The following HERC4 variants were observed in gnomAD, a reference collection of about 807,000 sequenced individuals.
The protein encoded by HERC4 is HECT and RLD domain containing E3 ubiquitin protein ligase 4, also known as probable E3 ubiquitin-protein ligase HERC4.
In HERC4, 28 loss-of-function variants were observed where a neutral mutation model predicts 124.3. That is an observed-to-expected ratio of 0.23 (90% CI 0.17 to 0.31). HERC4 has a LOEUF of 0.31. HERC4 is among the 10% of genes least tolerant of loss of function. The probability of loss-of-function intolerance (pLI) is 1.00; values close to 1 mark genes in which losing one functional copy is unlikely to be tolerated. For synonymous variants in HERC4, 407 were observed against 421.5 expected (o/e 0.97, Z 0.42); for missense variants, 713 against 1,229.3 (o/e 0.58, Z 6.28).
At chr10:67,975,183 C>CT (rs1301586143) in intron 15 of HERC4, among the ~76,000 whole-genome samples, 1 of 151,296 alleles carries the variant, frequency 6.6e-6, no homozygotes, top group Non-Finnish European at 1.5e-5. Flanking sequence ...GAGCCAAACT[C>CT]TGTCTTTAAA....
At chr10:68,017,748 C>G (rs1220358366) in intron 8 of HERC4, among the ~76,000 whole-genome samples, 2 of 152,154 alleles carry the variant, frequency 1.3e-5, no homozygotes, top group Non-Finnish European at 2.9e-5. Flanking sequence ...CTCGGCCTCC[C>G]AAAGTGCTGG....
At chr10:68,013,872 C>T (rs1277172818) in intron 9 of HERC4, among the ~76,000 whole-genome samples, 154 bp downstream of exon 9, 1 of 152,124 alleles carries the variant, frequency 6.6e-6, no homozygotes, top group Non-Finnish European at 1.5e-5. Context: ...TAAATATAAG[C>T]AAATCAAACA....
At chr10:67,984,299 C>T (rs2036127005) in intron 15 of HERC4, among the ~76,000 whole-genome samples, 2 of 134,484 alleles carry the variant, frequency 1.5e-5, no homozygotes, top group African/African-American at 6.2e-5. Context: ...GAGACTCCAT[C>T]TCAAAAAAAA....
intron 16 of HERC4, among the ~76,000 whole-genome samples, chr10:67,959,584 ATATGGACACAAAG>A (rs1467299659): frequency 6.6e-6 from 1 of 152,196 alleles, no homozygotes; most frequent in East Asian, 1.9e-4. Context: ...TTAAAATGCC[ATATGGACACAAAG>A]TAAGAAAAAA....
chr10:68,051,285 T>C (rs1056804232), intron 3 of HERC4, among the ~76,000 whole-genome samples: 4 of 152,042 alleles, frequency 2.6e-5, no homozygotes, highest in African/African-American at 9.7e-5. Context: ...TAAAAAGGTA[T>C]GTTATTTAAA....
At chr10:67,999,692 T>A (rs931193494) in intron 9 of HERC4, among the ~76,000 whole-genome samples, 2 of 152,220 alleles carry the variant, frequency 1.3e-5, no homozygotes, top group Non-Finnish European at 2.9e-5. Flanking sequence ...AATGAACTGA[T>A]GAAGAAAAAT....
chr10:67,974,273 G>A (rs2035450209), intron 15 of HERC4, among the ~76,000 whole-genome samples: 1 of 152,102 alleles, frequency 6.6e-6, no homozygotes. Context: ...AGGTAAGGGA[G>A]AGGTAGAAAG....
At chr10:67,992,479 C>T (rs898174475) in intron 10 of HERC4, 127 bp downstream of exon 10, 14 of 1,147,418 alleles carry the variant, frequency 1.2e-5, no homozygotes, top group Non-Finnish European at 1.7e-5. Context: ...AAAACTTATT[C>T]TGTAGACTTA....
intron 1 of HERC4, chr10:68,074,541 C>A (rs2041717323): frequency 6.6e-6 from 1 of 152,262 alleles, no homozygotes; most frequent in African/African-American, 2.4e-5. Flanking sequence ...GAGGCGTCCT[C>A]TCGCCAGCAA....
At chr10:68,011,050 T>G (rs563367089) in intron 9 of HERC4, among the ~76,000 whole-genome samples, 1 of 152,274 alleles carries the variant, frequency 6.6e-6, no homozygotes, top group East Asian at 1.9e-4. Flanking sequence ...AAACTCTTAT[T>G]GTTGGTATTT....
At chr10:67,927,661 G>A (rs906807154) in intron 23 of HERC4, among the ~76,000 whole-genome samples, 2 of 151,742 alleles carry the variant, frequency 1.3e-5, no homozygotes, top group Admixed American at 6.6e-5. Context: ...TTCTGACCTC[G>A]TGATCCGCCT....
At chr10:68,028,228 T>C (rs978412418) in intron 7 of HERC4, among the ~76,000 whole-genome samples, 1 of 151,760 alleles carries the variant, frequency 6.6e-6, no homozygotes, top group Non-Finnish European at 1.5e-5. Context: ...AATACTTGAT[T>C]CTTTCCCATT....
chr10:68,068,981 CTGTT>C, intron 3 of HERC4: 1 of 893,870 alleles, frequency 1.1e-6, no homozygotes. Context: ...ACACAAAAAA[CTGTT>C]TTTTAGATAA....
chr10:67,931,390 A>G (rs1164446526), intron 23 of HERC4, among the ~76,000 whole-genome samples: 1 of 152,164 alleles, frequency 6.6e-6, no homozygotes, highest in Non-Finnish European at 1.5e-5. Context: ...ATTTTTAAAA[A>G]TCATAACTGC....
chr10:68,026,371 C>A (rs1297962883), intron 7 of HERC4, among the ~76,000 whole-genome samples: 4 of 150,706 alleles, frequency 2.7e-5, no homozygotes, highest in Non-Finnish European at 5.9e-5. Context: ...GCTGGGATTA[C>A]AGGCATGAGC....
chr10:67,993,304 C>T (rs925829920), intron 9 of HERC4: 1 of 151,328 alleles, frequency 6.6e-6, no homozygotes, highest in African/African-American at 2.4e-5. Context: ...GAGATCACCC[C>T]ACTGCACTCC....
chr10:68,026,013 C>T (rs767806775), intron 7 of HERC4, among the ~76,000 whole-genome samples: 2 of 152,198 alleles, frequency 1.3e-5, no homozygotes, highest in Admixed American at 6.5e-5. Flanking sequence ...ATCATCTTCA[C>T]TTTTCAAGGT....
intron 8 of HERC4, among the ~76,000 whole-genome samples, 190 bp from the exon 9 acceptor site, chr10:68,014,376 T>TAA (rs1564548232): frequency 6.6e-6 from 1 of 152,216 alleles, no homozygotes; most frequent in African/African-American, 2.4e-5. Context: ...CTGCATCACA[T>TAA]AGACAGGCTG....
At chr10:67,973,102 T>C (rs2035349191) in intron 15 of HERC4, among the ~76,000 whole-genome samples, 2 of 152,154 alleles carry the variant, frequency 1.3e-5, no homozygotes, top group Non-Finnish European at 1.5e-5. Context: ...GAATCTAGAA[T>C]GGAGGGCACA....
Sources: gnomAD v4.1 joint callset for allele counts (sites outside exome capture counted in the v4.1 genomes callset) on GRCh38, gnomAD v4.1.1 for gene constraint, MANE v1.5 for transcripts, NCBI Gene and HGNC (gene_info 2026-07-23, HGNC 2026-07-21) for gene names.